Variants in HDAC11 observed in about 807,000 individuals in gnomAD.
HDAC11 encodes histone deacetylase 11.
HDAC11 carries 23 observed loss-of-function variants against 41.1 expected under a neutral mutation model. The observed-to-expected ratio is 0.56, with a 90% confidence interval of 0.40 to 0.79. The LOEUF is 0.79. Among genes scored for constraint, HDAC11 ranks in the 30% least tolerant of loss-of-function variants. The pLI is 0.00. For missense variants in HDAC11, 402 were observed against 477.3 expected (o/e 0.84, Z 1.47); for synonymous variants, 187 against 186.6 (o/e 1.00, Z -0.02).
At chr3:13,503,754 A>C (rs573197060) in intron 8 of HDAC11, among the ~76,000 whole-genome samples, 4 of 152,114 alleles carry the variant, frequency 2.6e-5, no homozygotes, top group Admixed American at 6.5e-5. Flanking sequence ...CAAGGAACCA[A>C]TTTCTGAACA....
chr3:13,496,979 G>C (rs957718639), intron 4 of HDAC11, 127 bp downstream of exon 4: 5 of 513,600 alleles, frequency 9.7e-6, no homozygotes, highest in East Asian at 7.0e-5. Flanking sequence ...ATTCCTCAAG[G>C]CTCGGCAACA....
intron 3 of HDAC11, among the ~76,000 whole-genome samples, chr3:13,485,201 A>C (rs1701502810): frequency 6.6e-6 from 1 of 152,252 alleles, no homozygotes. Context: ...CCCCAACCGC[A>C]GCCTGAGGTG....
Position 13,483,367 on chromosome 3 carries a change from G to T in HDAC11, c.152-97G>T. 7 of 996,908 alleles carry T rather than the reference G, an allele frequency of 7.0e-6. 1 individual carries two copies. The South Asian group carries it at 9.6e-5, about 14-fold the overall frequency. The allele number at this position is 996,908 out of a possible 1,614,324, so 61.8% of individuals were successfully genotyped here. ...GTGCCTACCTACCCCTGGGGCAGGG[G>T]CTGCCACAGGCCAAGTCTGCAGCCT... On this transcript the variant is annotated intron_variant, in intron 2 of 9. Coordinates refer to ENST00000295757, the MANE Select transcript of HDAC11 (RefSeq NM_024827.4).
intron 5 of HDAC11, among the ~76,000 whole-genome samples, chr3:13,499,127 G>A (rs1702238321): frequency 6.6e-6 from 1 of 152,190 alleles, no homozygotes; most frequent in Admixed American, 6.5e-5. Context: ...GTCCCTCCTG[G>A]AGGCACAGCA....
At chr3:13,483,654 G>T in intron 3 of HDAC11, 90 bp downstream of exon 3, 1 of 980,044 alleles carries the variant, frequency 1.0e-6, no homozygotes, top group Non-Finnish European at 1.6e-6. Flanking sequence ...CTCAGCCTGG[G>T]GAAGCCAAGT....
chr3:13,502,638 G>T lies in HDAC11; in HGVS notation c.553-246G>T, dbSNP rs1468346099. The T allele has an allele frequency of 4.6e-6, 2 of 431,028 alleles. No individual in the cohort carries two copies. Among genetic ancestry groups the T allele is most frequent in the African/African-American group, 2.0e-5 (1 of 49,966 alleles). 26.7% of individuals were successfully genotyped at this position (431,028 alleles called of 1,614,324 possible). On this transcript the variant is annotated intron_variant, in intron 7 of 9. Coordinates refer to ENST00000295757, the MANE Select transcript of HDAC11 (RefSeq NM_024827.4). This position sits in a 1 kb window ranked among gnomAD's most constrained non-coding sequence, Gnocchi z 4.1. ...CAGACTTGAGAGGGTGGCAGAGCGG[G>T]ATTTCTTCCTCTGATAGGGAACCTA...
rs377587104 is a variant in HDAC11, at chr3:13,504,539, C to A, written c.900C>A (p.Thr300=). Residue 300 remains threonine (T), a synonymous_variant, in exon 10 of 10, where the codon ACC becomes ACA. Transcript: ENST00000295757. Reference sequence around the variant, plus strand: ...GCCGGGTGCCCATCCTTATGGTGACCTCAGGCGGGTACCAGAAGCGCACAG... The same window carrying A: ...GCCGGGTGCCCATCCTTATGGTGACATCAGGCGGGTACCAGAAGCGCACAG... ...RGRRVPILMV[T]SGGYQKRTAR... 2 of 1,613,576 alleles carry A rather than the reference C, an allele frequency of 1.2e-6. No individual in the cohort carries two copies. Among genetic ancestry groups the A allele is most frequent in the Non-Finnish European group, 1.7e-6 (2 of 1,180,022 alleles).
intron 3 of HDAC11, among the ~76,000 whole-genome samples, chr3:13,495,136 G>C (rs551580242): frequency 6.6e-6 from 1 of 152,050 alleles, no homozygotes; most frequent in Non-Finnish European, 1.5e-5. Context: ...GCTCCTTCCA[G>C]CCACCCTCTC....
chr3:13,495,923 T>C (rs995903511), intron 3 of HDAC11, among the ~76,000 whole-genome samples: 1 of 152,234 alleles, frequency 6.6e-6, no homozygotes, highest in Non-Finnish European at 1.5e-5. Flanking sequence ...TGTCTGCAAG[T>C]GTCCTGGCAT....
At chr3:13,485,505 G>A (rs1451608022) in intron 3 of HDAC11, among the ~76,000 whole-genome samples, 1 of 152,244 alleles carries the variant, frequency 6.6e-6, no homozygotes, top group African/African-American at 2.4e-5. Context: ...CAGGCTGGGG[G>A]TGGGGGGCCT....
intron 3 of HDAC11, among the ~76,000 whole-genome samples, chr3:13,486,267 C>CAAAA (rs76727800): frequency 4.3e-4 from 28 of 64,924 alleles, no homozygotes; most frequent in East Asian, 9.1e-4. Flanking sequence ...AACTCCATCT[C>CAAAA]AAAAAAAAAA....
At chr3:13,491,003 C>A (rs1257011989) in intron 3 of HDAC11, among the ~76,000 whole-genome samples, 1 of 151,376 alleles carries the variant, frequency 6.6e-6, no homozygotes, top group Non-Finnish European at 1.5e-5. Flanking sequence ...CCCACCTCGG[C>A]CTCTCAAAGT....
Position 13,502,243 on chromosome 3 carries a change from A to C in HDAC11, c.552+310A>C. 1 of 345,562 alleles carries C rather than the reference A, an allele frequency of 2.9e-6. No homozygotes were observed. The highest frequency in any genetic ancestry group is 5.3e-6 in the Non-Finnish European group (1 of 188,742). 21.4% of individuals were successfully genotyped at this position (345,562 alleles called of 1,614,324 possible). A position where few individuals can be genotyped will look rare whatever the true frequency, so the allele number is the denominator to read the frequency against. On this transcript the variant is annotated intron_variant, in intron 7 of 9. Transcript: ENST00000295757. This position sits in a 1 kb window ranked among gnomAD's most constrained non-coding sequence, Gnocchi z 4.1. Reference sequence around the variant, plus strand: ...TGTGGGTCCCCATTGCTTATGAATAATTTGGGGCACTGCCCCCTGCCCAGA... The same window carrying C: ...TGTGGGTCCCCATTGCTTATGAATACTTTGGGGCACTGCCCCCTGCCCAGA...
chr3:13,485,864 G>A (rs1701536520), intron 3 of HDAC11, among the ~76,000 whole-genome samples: 1 of 152,176 alleles, frequency 6.6e-6, no homozygotes, highest in African/African-American at 2.4e-5. Flanking sequence ...ATTCAGGTAT[G>A]TCCACTGAAA....
chr3:13,502,027 C>A lies in HDAC11; in HGVS notation c.552+94C>A. ...AGGAGAGTCTCCCTCCTCATGTCCC[C>A]ACGGCTCTCACGGCTTCTGTCTTCT... On this transcript the variant is annotated intron_variant, in intron 7 of 9. Transcript: ENST00000295757. This position sits in a 1 kb window ranked among gnomAD's most constrained non-coding sequence, Gnocchi z 4.1. 1 of 910,196 alleles carries A rather than the reference C, an allele frequency of 1.1e-6. No homozygotes were observed. Among genetic ancestry groups the A allele is most frequent in the South Asian group, 1.4e-5 (1 of 69,768 alleles). The allele number at this position is 910,196 out of a possible 1,614,324, so 56.4% of individuals were successfully genotyped here.
intron 9 of HDAC11, 94 bp from the exon 10 acceptor site, chr3:13,504,374 A>G: frequency 6.3e-7 from 1 of 1,586,242 alleles, no homozygotes; most frequent in Non-Finnish European, 8.6e-7. Context: ...GGACTGAAGC[A>G]ACAGCAGTTT....
chr3:13,489,577 G>GT (rs1701750723), intron 3 of HDAC11, among the ~76,000 whole-genome samples: 2 of 152,152 alleles, frequency 1.3e-5, no homozygotes, highest in South Asian at 4.1e-4. Flanking sequence ...TGGTTTGTTT[G>GT]TTTAAGAAAG....
intron 3 of HDAC11, among the ~76,000 whole-genome samples, chr3:13,491,710 G>C (rs561321996): frequency 6.6e-6 from 1 of 152,366 alleles, no homozygotes; most frequent in African/African-American, 2.4e-5. Flanking sequence ...TGCTCTCTGT[G>C]GAGTCCCACA....
intron 3 of HDAC11, among the ~76,000 whole-genome samples, chr3:13,491,972 G>T (rs1473937696): frequency 6.6e-6 from 1 of 152,268 alleles, no homozygotes; most frequent in African/African-American, 2.4e-5. Flanking sequence ...CTTGGGTAGA[G>T]ACTGGGAATC....
Sources: gnomAD v4.1 joint callset for allele counts (sites outside exome capture counted in the v4.1 genomes callset) on GRCh38, gnomAD v4.1.1 for gene constraint, Gnocchi (gnomAD v3.1) non-coding constraint, MANE v1.5 for transcripts, NCBI Gene and HGNC (gene_info 2026-07-23, HGNC 2026-07-21) for gene names.